The following RBFOX1 variants were observed in gnomAD, a reference collection of about 807,000 sequenced individuals.
RBFOX1 encodes the protein RNA binding fox-1 homolog 1.
A neutral mutation model predicts 57.7 loss-of-function variants in RBFOX1; 8 were observed. The ratio of observed to expected loss-of-function variants is 0.14; its 90% CI spans 0.08 to 0.25. The LOEUF (loss-of-function observed/expected upper bound fraction) is 0.25. RBFOX1 is among the 10% of genes least tolerant of loss of function. The pLI is 1.00. For synonymous variants in RBFOX1, 326 were observed against 222.4 expected (o/e 1.47, Z -4.15); for missense variants, 611 against 548.5 (o/e 1.11, Z -1.14).
chr16:6,941,292 CTCCCTCCCTCCT>C (rs1314765366), intron 3 of RBFOX1, among the ~76,000 whole-genome samples: 1,640 of 79,926 alleles, frequency 0.021, 50 homozygotes, highest in African/African-American at 0.077. Flanking sequence ...CCCTCCTTCC[CTCCCTCCCTCCT>C]TCCTTCCTTC....
chr16:7,304,311 G>T, intron 4 of RBFOX1: 1 of 984,842 alleles, frequency 1.0e-6, no homozygotes, highest in Non-Finnish European at 1.2e-6. Flanking sequence ...AAAAAAAATT[G>T]TAGCGCCCAG....
intron 3 of RBFOX1, among the ~76,000 whole-genome samples, chr16:6,907,773 C>T (rs901427033): frequency 1.4e-5 from 2 of 146,096 alleles, no homozygotes; most frequent in African/African-American, 4.9e-5. Context: ...AGGGTTTCAC[C>T]ATTTTGGCCA....
intron 2 of RBFOX1, among the ~76,000 whole-genome samples, chr16:6,639,469 T>TTGACTGAAATA (rs1374247162): frequency 1.3e-5 from 2 of 152,144 alleles, no homozygotes; most frequent in African/African-American, 4.8e-5. Flanking sequence ...GAAATAGTAA[T>TTGACTGAAATA]GACCCGGAGG....
chr16:5,954,700 C>T (rs533482030), intron 4 of RBFOX1, among the ~76,000 whole-genome samples: 7 of 152,184 alleles, frequency 4.6e-5, no homozygotes, highest in East Asian at 3.9e-4. Context: ...AGCATCTGAT[C>T]GTGTGCGCCG....
At chr16:7,548,806 G>T (rs1025549265) in intron 5 of RBFOX1, among the ~76,000 whole-genome samples, 15 of 152,218 alleles carry the variant, frequency 9.9e-5, no homozygotes, top group Non-Finnish European at 4.4e-5. Flanking sequence ...CTACTGACTG[G>T]TAGAAATCAG....
At chr16:7,581,035 T>C (rs571144883) in intron 6 of RBFOX1, among the ~76,000 whole-genome samples, 17 of 152,294 alleles carry the variant, frequency 1.1e-4, no homozygotes, top group African/African-American at 4.1e-4. Flanking sequence ...GAGGCTCTTG[T>C]TCACTACTCA....
chr16:6,625,596 A>G (rs930472662), intron 2 of RBFOX1, among the ~76,000 whole-genome samples: 3 of 152,108 alleles, frequency 2.0e-5, no homozygotes, highest in Admixed American at 6.5e-5. Context: ...CATTCTAACT[A>G]TGGTAGAGGC....
intron 1 of RBFOX1, among the ~76,000 whole-genome samples, chr16:6,030,307 C>G (rs2095270117): frequency 6.6e-6 from 1 of 152,166 alleles, no homozygotes; most frequent in Admixed American, 6.5e-5. Context: ...TCTTCAGGTT[C>G]TGATTGGTAT....
chr16:6,314,482 G>A (rs1482175346), intron 1 of RBFOX1, among the ~76,000 whole-genome samples: 1 of 152,202 alleles, frequency 6.6e-6, no homozygotes, highest in Admixed American at 6.5e-5. Flanking sequence ...AGATGTTCAA[G>A]TCTCAAGACT....
At chr16:5,783,470 T>G (rs2054393873) in intron 3 of RBFOX1, among the ~76,000 whole-genome samples, 1 of 152,182 alleles carries the variant, frequency 6.6e-6, no homozygotes, top group African/African-American at 2.4e-5. Context: ...AAATAAAAGA[T>G]GCATATCAAT....
At chr16:6,320,181 G>A (rs1215645507) in intron 2 of RBFOX1, among the ~76,000 whole-genome samples, 5 of 152,108 alleles carry the variant, frequency 3.3e-5, no homozygotes, top group East Asian at 1.9e-4. Context: ...TAGTTATATC[G>A]GAATGACTTA....
chr16:6,583,937 T>G (rs2097570788), intron 2 of RBFOX1, among the ~76,000 whole-genome samples: 1 of 151,758 alleles, frequency 6.6e-6, no homozygotes, highest in African/African-American at 2.4e-5. Flanking sequence ...TGTATCTTCA[T>G]CACTCCAGTT....
chr16:6,305,610 G>T (rs2079410459), intron 1 of RBFOX1, among the ~76,000 whole-genome samples: 1 of 150,678 alleles, frequency 6.6e-6, no homozygotes, highest in Admixed American at 6.6e-5. Flanking sequence ...GACTCAAGTA[G>T]GTACAGCTTT....
At chr16:7,189,198 G>C (rs2084693739) in intron 4 of RBFOX1, among the ~76,000 whole-genome samples, 1 of 151,954 alleles carries the variant, frequency 6.6e-6, no homozygotes, top group Non-Finnish European at 1.5e-5. Flanking sequence ...GGCCGACGTA[G>C]GTAGATCATG....
At chr16:6,970,088 A>G (rs2085192112) in intron 3 of RBFOX1, among the ~76,000 whole-genome samples, 1 of 152,068 alleles carries the variant, frequency 6.6e-6, no homozygotes, top group Non-Finnish European at 1.5e-5. Flanking sequence ...TGAGGCAGGA[A>G]GATGATTTGA....
chr16:5,507,449 G>A (rs961525024), intron 2 of RBFOX1, among the ~76,000 whole-genome samples: 2 of 152,114 alleles, frequency 1.3e-5, no homozygotes, highest in African/African-American at 4.8e-5. Context: ...GGGGGTTGGC[G>A]TGGGAATGGG....
At chr16:6,431,896 G>GCTTTCTTTCTTTCTTT (rs869041704) in intron 2 of RBFOX1, among the ~76,000 whole-genome samples, 58 of 128,190 alleles carry the variant, frequency 4.5e-4, no homozygotes, top group South Asian at 8.4e-4. Flanking sequence ...TTGCTTGCTT[G>GCTTTCTTTCTTTCTTT]CTTTCTTTCT....
At chr16:5,602,034 G>C (rs944980400), downstream of RBFOX1, among the ~76,000 whole-genome samples, 1 of 152,206 alleles carries the variant, frequency 6.6e-6, no homozygotes, top group African/African-American at 2.4e-5. Flanking sequence ...TTCAGGCTGT[G>C]AGGATCCAGT....
At chr16:7,410,830 CGTGTGTGTGTGTGTGTGT>C (rs56755477) in intron 4 of RBFOX1, among the ~76,000 whole-genome samples, 440 of 150,442 alleles carry the variant, frequency 2.9e-3, no homozygotes, top group African/African-American at 0.01. Context: ...TGAGTTTTCA[CGTGTGTGTGTGTGTGTGT>C]GTGTGTGTGT....
Sources: allele counts gnomAD v4.1 joint callset (sites outside exome capture counted in the v4.1 genomes callset), GRCh38; gene constraint gnomAD v4.1.1; transcripts MANE v1.5; gene names NCBI Gene and HGNC (gene_info 2026-07-23, HGNC 2026-07-21).